Variants in VCF2 observed in about 807,000 individuals in gnomAD.
The protein encoded by VCF2 is VCP nuclear cofactor family member 2, also known as protein VCF2.
chrX:55,159,135 A>G, the VCF2 span: 13 of 1,193,960 alleles, frequency 1.1e-5, no homozygotes, highest in Admixed American at 2.2e-4. Context: ...CTACCTCTGT[A>G]TCTTGAGAAT....
chrX:55,149,848 G>A, the VCF2 span, among the ~76,000 whole-genome samples: 2 of 111,928 alleles, frequency 1.8e-5, no homozygotes, highest in Non-Finnish European at 3.8e-5. Context: ...CTTTATGAAA[G>A]CTTATGGTTT....
At chrX:55,147,665 A>G in the VCF2 span, among the ~76,000 whole-genome samples, 2 of 68,838 alleles carry the variant, frequency 2.9e-5, no homozygotes, top group Admixed American at 2.0e-4. Flanking sequence ...TTTTTGTTAC[A>G]GTACTGCCTG....
chrX:55,150,530 C>T, the VCF2 span, among the ~76,000 whole-genome samples: 4 of 111,466 alleles, frequency 3.6e-5, no homozygotes, highest in Non-Finnish European at 7.5e-5. Context: ...CCTAAGAGGC[C>T]GTGGACCAGT....
chrX:55,144,590 A>ATGTGTGTG, the VCF2 span, among the ~76,000 whole-genome samples: 41 of 106,715 alleles, frequency 3.8e-4, no homozygotes, highest in African/African-American at 1.3e-3. Context: ...AACCATGAAA[A>ATGTGTGTG]TGTGTGTGTG....
At chrX:55,146,011 T>C in the VCF2 span, 9 of 1,137,822 alleles carry the variant, frequency 7.9e-6, no homozygotes, top group Non-Finnish European at 1.0e-5. Flanking sequence ...TAAAAACCAA[T>C]AGACTTTTTT....
chrX:55,145,517 A>T, the VCF2 span: 21 of 755,105 alleles, frequency 2.8e-5, no homozygotes, highest in Non-Finnish European at 3.3e-5. Context: ...GATTGTTGCC[A>T]TTACAACTAG....
the VCF2 span, among the ~76,000 whole-genome samples, chrX:55,155,876 T>A: frequency 9.1e-6 from 1 of 109,946 alleles, no homozygotes; most frequent in Non-Finnish European, 1.9e-5. Flanking sequence ...ATTCATGATA[T>A]AAAATTATAT....
chrX:55,145,165 G>T, the VCF2 span: 1 of 245,546 alleles, frequency 4.1e-6, no homozygotes, highest in Non-Finnish European at 5.7e-6. Context: ...GTAGCATAAA[G>T]TGGACAGTTG....
the VCF2 span, chrX:55,146,242 C>T: frequency 8.3e-7 from 1 of 1,211,605 alleles, no homozygotes; most frequent in South Asian, 1.8e-5. Flanking sequence ...TTTAAGTTGC[C>T]TTCTGGTCCA....
chrX:55,147,632 TTG>T, the VCF2 span, among the ~76,000 whole-genome samples: 82 of 73,132 alleles, frequency 1.1e-3, no homozygotes, highest in Middle Eastern at 6.3e-3. Context: ...TTGGCTTTCC[TTG>T]TTTTTTTTTT....
At chrX:55,145,322 C>T in the VCF2 span, 12 of 746,638 alleles carry the variant, frequency 1.6e-5, no homozygotes, top group Non-Finnish European at 1.7e-5. Context: ...CAAAATATTA[C>T]ATATTTCTTA....
chrX:55,146,648 AG>A, the VCF2 span, among the ~76,000 whole-genome samples: 26 of 112,406 alleles, frequency 2.3e-4, no homozygotes, highest in African/African-American at 8.4e-4. Flanking sequence ...TAACTGCATC[AG>A]AGAAGTAAGT....
chrX:55,156,787 C>T, the VCF2 span, among the ~76,000 whole-genome samples: 5 of 110,691 alleles, frequency 4.5e-5, no homozygotes, highest in Non-Finnish European at 7.6e-5. Flanking sequence ...CTATACAACT[C>T]ACCTTGTTTC....
At chrX:55,157,674 T>C in the VCF2 span, among the ~76,000 whole-genome samples, 6 of 112,312 alleles carry the variant, frequency 5.3e-5, no homozygotes, top group African/African-American at 1.9e-4. Flanking sequence ...CCTAGTTCTG[T>C]TTTTCTCTCA....
At chrX:55,153,258 A>G in the VCF2 span, among the ~76,000 whole-genome samples, 2 of 112,216 alleles carry the variant, frequency 1.8e-5, no homozygotes, top group Non-Finnish European at 3.8e-5. Context: ...TGTCTCAGAT[A>G]TTTTGAGTTC....
chrX:55,151,360 T>C, the VCF2 span, among the ~76,000 whole-genome samples: 1 of 112,379 alleles, frequency 8.9e-6, no homozygotes, highest in Non-Finnish European at 1.9e-5. Context: ...CTGTGGTAAG[T>C]AAAGAATGGC....
At chrX:55,143,879 C>T in the VCF2 span, 2 of 1,159,963 alleles carry the variant, frequency 1.7e-6, no homozygotes, top group Non-Finnish European at 2.3e-6. Context: ...AGACAATCTG[C>T]AAAAGACAGG....
chrX:55,149,223 T>A, the VCF2 span, among the ~76,000 whole-genome samples: 1 of 109,918 alleles, frequency 9.1e-6, no homozygotes, highest in South Asian at 4.0e-4. Context: ...TAACAAATTT[T>A]ACATTTTATC....
the VCF2 span, chrX:55,143,588 T>A: frequency 1.0e-5 from 3 of 294,394 alleles, no homozygotes; most frequent in Admixed American, 5.8e-5. Flanking sequence ...ATGTTAGGAA[T>A]GTTTTAAGCA....
Sources: gnomAD v4.1 joint callset for allele counts (sites outside exome capture counted in the v4.1 genomes callset) on GRCh38, gnomAD v4.1.1 for gene constraint, MANE v1.5 for transcripts, NCBI Gene and HGNC (gene_info 2026-07-23, HGNC 2026-07-21) for gene names.